The following ZNF566 variants were observed in gnomAD, a reference collection of about 807,000 sequenced individuals.
ZNF566 encodes zinc finger protein 566.
A neutral mutation model predicts 32.8 loss-of-function variants in ZNF566; 27 were observed. That is an observed-to-expected ratio of 0.82 (90% CI 0.61 to 1.14). ZNF566 has a LOEUF of 1.14. Among genes scored for constraint, ZNF566 ranks in the 50% most tolerant of loss-of-function variants. The pLI is 0.00. For synonymous variants in ZNF566, 154 were observed against 159.5 expected (o/e 0.97, Z 0.26); for missense variants, 402 against 490.4 (o/e 0.82, Z 1.70).
chr19:36,489,054 G>A (rs2034244151), intron 1 of ZNF566, among the ~76,000 whole-genome samples: 1 of 152,056 alleles, frequency 6.6e-6, no homozygotes, highest in Non-Finnish European at 1.5e-5. Flanking sequence ...ACCTGTACCG[G>A]GTCACAGTCA....
chr19:36,486,367 C>T (rs1297985700), intron 1 of ZNF566, among the ~76,000 whole-genome samples: 1 of 152,070 alleles, frequency 6.6e-6, no homozygotes, highest in Non-Finnish European at 1.5e-5. Flanking sequence ...ATACTATGTT[C>T]ACAACATGAA....
At chr19:36,459,731 C>T (rs1303967699) in intron 4 of ZNF566, among the ~76,000 whole-genome samples, 6 of 148,546 alleles carry the variant, frequency 4.0e-5, no homozygotes, top group African/African-American at 1.5e-4. Context: ...AGGCTGGTCT[C>T]GAACCCCAAC....
intron 1 of ZNF566, among the ~76,000 whole-genome samples, chr19:36,477,340 C>T (rs2033913880): frequency 6.6e-6 from 1 of 151,888 alleles, no homozygotes; most frequent in Non-Finnish European, 1.5e-5. Context: ...AATCTGTGGC[C>T]AATCATCATT....
rs201784748 is a variant in ZNF566 at position 36,487,897 on chromosome 19, CAAAAAAAAAAAAA to C, written c.-60+1576_-60+1588del. Among the ~76,000 whole-genome samples, 286 of 75,558 alleles carry C rather than the reference CAAAAAAAAAAAAA, an allele frequency of 3.8e-3. 3 individuals are homozygous for C. The highest frequency in any genetic ancestry group is 0.013 in the African/African-American group (266 of 20,174). The allele number at this position is 75,558 out of a possible 152,430, so 49.6% of individuals were successfully genotyped here. ...GGGTGACAAGAGCAAGACTCTGTCT[CAAAAAAAAAAAAA>C]AAAAAAAAAAAAAGAATGGGTAAAA... On this transcript the variant is annotated intron_variant, in intron 1 of 4. Transcript: ENST00000452939.
Position 36,448,930 on chromosome 19 carries a change from G to A in ZNF566, c.*47C>T, listed in dbSNP as rs1018668096. The A allele has an allele frequency of 7.7e-6, 11 of 1,431,762 alleles. No individual in the cohort carries two copies. Among genetic ancestry groups the A allele is most frequent in the Non-Finnish European group, 1.0e-5 (11 of 1,065,224 alleles). 88.7% of individuals were successfully genotyped at this position (1,431,762 alleles called of 1,614,324 possible). A position where few individuals can be genotyped will look rare whatever the true frequency, so the allele number is the denominator to read the frequency against. On this transcript the variant is annotated 3_prime_UTR_variant, in exon 5 of 5. Transcript: ENST00000452939. ...TTATTAACAAGATAAATTCTGTTTT[G>A]AGCCATAATTAAAAGCCTCCCTACA...
At chr19:36,483,608 T>G (rs888190734) in intron 1 of ZNF566, among the ~76,000 whole-genome samples, 1 of 151,638 alleles carries the variant, frequency 6.6e-6, no homozygotes, top group Admixed American at 6.6e-5. Flanking sequence ...GCAAAATAAA[T>G]AAATAATAAT....
In ZNF566 at chr19:36,446,254, A is replaced by C. The variant is rs1384498536; in HGVS notation, c.*2723T>G. ...ATGAGGAACGGAGAAGGGCAAAGAT[A>C]ATCATTTTTTCTTTCTTTTTTTTTT... On this transcript the variant is annotated 3_prime_UTR_variant, in exon 5 of 5. Transcript: ENST00000452939. 1.3e-5 allele frequency: 2 copies of C among 150,668 alleles called. No individual in the cohort carries two copies. Among genetic ancestry groups the C allele is most frequent in the Non-Finnish European group, 2.9e-5 (2 of 67,804 alleles). The allele number at this position is 150,668 out of a possible 1,614,324, so 9.3% of individuals were successfully genotyped here. A position where few individuals can be genotyped will look rare whatever the true frequency, so the allele number is the denominator to read the frequency against.
chr19:36,460,609 AAGG>A (rs2033437398), intron 4 of ZNF566, among the ~76,000 whole-genome samples: 1 of 152,180 alleles, frequency 6.6e-6, no homozygotes, highest in Non-Finnish European at 1.5e-5. Context: ...AGGGTTTCAG[AAGG>A]AGAAGAGATA....
rs961653454 is a variant in ZNF566 at position 36,448,178 on chromosome 19, T to C, written c.*799A>G. The stretch of plus-strand genomic sequence containing the variant: ...TGGTCAAAGGGTACATTTGCCTTTT[T>C]GTAATGTTTGCATCTTTTATAAGGA... On this transcript the variant is annotated 3_prime_UTR_variant, in exon 5 of 5. Coordinates refer to ENST00000452939, the MANE Select transcript of ZNF566 (RefSeq NM_001145344.1). The C allele has an allele frequency of 1.3e-5, 2 of 152,212 alleles. No homozygotes were observed. Among genetic ancestry groups the C allele is most frequent in the African/African-American group, 4.8e-5 (2 of 41,462 alleles). The allele number at this position is 152,212 out of a possible 1,614,324, so 9.4% of individuals were successfully genotyped here.
intron 4 of ZNF566, among the ~76,000 whole-genome samples, chr19:36,452,083 T>TA (rs984317193): frequency 9.1e-4 from 129 of 141,508 alleles, no homozygotes; most frequent in East Asian, 1.2e-3. Flanking sequence ...CTTGACTCGT[T>TA]AAAAAAAAAA....
intron 2 of ZNF566, among the ~76,000 whole-genome samples, chr19:36,475,957 T>C (rs2033873555): frequency 6.6e-6 from 1 of 152,188 alleles, no homozygotes; most frequent in Non-Finnish European, 1.5e-5. Context: ...TTAAAACTTC[T>C]TCAGAGAAAT....
intron 1 of ZNF566, among the ~76,000 whole-genome samples, chr19:36,487,458 T>A (rs2034194981): frequency 6.6e-6 from 1 of 152,168 alleles, no homozygotes; most frequent in African/African-American, 2.4e-5. Context: ...AACAATGTAA[T>A]CGACTAATAT....
chr19:36,457,761 G>T (rs2967538), intron 4 of ZNF566, among the ~76,000 whole-genome samples: 5,349 of 152,178 alleles, frequency 0.035, 306 homozygotes, highest in African/African-American at 0.12. Context: ...CTTAGTGGAG[G>T]GCACTTGTAA....
intron 4 of ZNF566, among the ~76,000 whole-genome samples, chr19:36,469,245 G>A (rs1043854218): frequency 2.0e-5 from 3 of 151,846 alleles, no homozygotes; most frequent in African/African-American, 7.3e-5. Flanking sequence ...GGATTTACTT[G>A]AAATTATTTG....
chr19:36,446,892 A>T lies in ZNF566; in HGVS notation c.*2085T>A, dbSNP rs1019444306. The T allele has an allele frequency of 6.6e-6, 1 of 152,210 alleles. No individual in the cohort carries two copies. The highest frequency in any genetic ancestry group is 1.5e-5 in the Non-Finnish European group (1 of 68,046). 9.4% of individuals were successfully genotyped at this position (152,210 alleles called of 1,614,324 possible). A position where few individuals can be genotyped will look rare whatever the true frequency, so the allele number is the denominator to read the frequency against. On this transcript the variant is annotated 3_prime_UTR_variant, in exon 5 of 5. Coordinates refer to ENST00000452939, the MANE Select transcript of ZNF566 (RefSeq NM_001145344.1). Reference sequence around the variant, plus strand: ...GGGGCATAAAATAACAGTTCTACAGACATAAACTTCATCCTTCCACATATG... The same window carrying T: ...GGGGCATAAAATAACAGTTCTACAGTCATAAACTTCATCCTTCCACATATG...
intron 4 of ZNF566, 39 bp downstream of exon 4, chr19:36,472,872 A>G: frequency 3.2e-6 from 5 of 1,541,966 alleles, no homozygotes; most frequent in Non-Finnish European, 4.4e-6. Context: ...CAGTCTCTCT[A>G]CCAGCCAAAT....
Position 36,486,566 on chromosome 19 carries a change from G to A in ZNF566, c.-60+2920C>T, listed in dbSNP as rs1406606117. Among the ~76,000 whole-genome samples, 6 of 151,894 alleles carry A rather than the reference G, an allele frequency of 4.0e-5. No homozygotes were observed. In the East Asian group the frequency reaches 7.8e-4, roughly 20 times the overall value. On this transcript the variant is annotated intron_variant, in intron 1 of 4. Coordinates refer to ENST00000452939, the MANE Select transcript of ZNF566 (RefSeq NM_001145344.1). ...CAAGCCTGTAATCCTGGCTACATGG[G>A]AGGCTGAGGCAGGAGGATTGCTTGA...
In ZNF566 at chr19:36,446,801, CAGTAA is replaced by C. The variant is rs532948640; in HGVS notation, c.*2171_*2175del. 8.0e-4 allele frequency: 121 copies of C among 152,162 alleles called. No homozygotes were observed. Among genetic ancestry groups the C allele is most frequent in the African/African-American group, 2.8e-3 (117 of 41,506 alleles). 9.4% of individuals were successfully genotyped at this position (152,162 alleles called of 1,614,324 possible). On this transcript the variant is annotated 3_prime_UTR_variant, in exon 5 of 5. Transcript: ENST00000452939. Reference sequence around the variant, plus strand: ...TATGAAATATTTTACTTCCTTATGCCAGTAAAGTAAAGTAACACAATGTTCAGAGA... The same window carrying C: ...TATGAAATATTTTACTTCCTTATGCCAGTAAAGTAACACAATGTTCAGAGA...
chr19:36,486,220 T>C (rs914482856), intron 1 of ZNF566, among the ~76,000 whole-genome samples: 1 of 152,182 alleles, frequency 6.6e-6, no homozygotes, highest in African/African-American at 2.4e-5. Flanking sequence ...GGACCTTGGA[T>C]TGGATCCTGA....
Sources: gnomAD v4.1 joint callset for allele counts (sites outside exome capture counted in the v4.1 genomes callset) on GRCh38, gnomAD v4.1.1 for gene constraint, MANE v1.5 for transcripts, NCBI Gene and HGNC (gene_info 2026-07-23, HGNC 2026-07-21) for gene names.